The following NELL1 variants were observed in gnomAD, a reference collection of about 807,000 sequenced individuals.
The protein encoded by NELL1 is protein kinase C-binding protein NELL1.
Under a neutral mutation model 107.4 loss-of-function variants are expected in NELL1, and 76 were observed. The ratio of observed to expected loss-of-function variants is 0.71; its 90% CI spans 0.59 to 0.86. The LOEUF is 0.86. Ranked by LOEUF, NELL1 falls within the 40% of genes least tolerant of loss-of-function variation. The pLI, the probability that NELL1 is intolerant of heterozygous loss-of-function variation, is 0.00. For missense variants in NELL1, 1,024 were observed against 1,005.5 expected, an observed-to-expected ratio of 1.02 and a Z score of -0.25; for synonymous variants, 353 against 341.2, an observed-to-expected ratio of 1.03 and a Z score of -0.38.
chr11:21,176,911 A>G (rs1207157058), intron 13 of NELL1, among the ~76,000 whole-genome samples: 2 of 151,708 alleles, frequency 1.3e-5, no homozygotes, highest in African/African-American at 4.9e-5. Context: ...TCCTGATTTA[A>G]GGAGTGATAA....
intron 13 of NELL1, among the ~76,000 whole-genome samples, chr11:21,139,769 C>G (rs908682686): frequency 6.6e-6 from 1 of 152,118 alleles, no homozygotes; most frequent in African/African-American, 2.4e-5. Flanking sequence ...TTGCAAGTAA[C>G]CAAAAATCCA....
At chr11:20,794,088 G>T (rs1179674908) in intron 3 of NELL1, among the ~76,000 whole-genome samples, 1 of 152,186 alleles carries the variant, frequency 6.6e-6, no homozygotes, top group African/African-American at 2.4e-5. Context: ...AGCATCGTAG[G>T]TATTGTAATT....
chr11:20,866,383 C>T (rs1440084640), intron 4 of NELL1, among the ~76,000 whole-genome samples: 1 of 152,166 alleles, frequency 6.6e-6, no homozygotes, highest in Non-Finnish European at 1.5e-5. Context: ...GATGAGAGCT[C>T]CTCTAATTAC....
intron 12 of NELL1, among the ~76,000 whole-genome samples, chr11:20,998,222 G>A (rs1448627341): frequency 6.6e-6 from 1 of 151,836 alleles, no homozygotes; most frequent in Non-Finnish European, 1.5e-5. Flanking sequence ...TTTACTTATA[G>A]CCCTGTTTTC....
At chr11:21,190,878 C>T (rs1400609254) in intron 13 of NELL1, among the ~76,000 whole-genome samples, 1 of 151,756 alleles carries the variant, frequency 6.6e-6, no homozygotes, top group Non-Finnish European at 1.5e-5. Context: ...TTCAGCCTTG[C>T]CAATTCAAGT....
intron 7 of NELL1, among the ~76,000 whole-genome samples, chr11:20,924,188 G>A (rs920477557): frequency 3.3e-5 from 5 of 152,222 alleles, no homozygotes. Context: ...ACCAGTGACA[G>A]AAAATGCAAT....
intron 14 of NELL1, among the ~76,000 whole-genome samples, chr11:21,262,337 T>C (rs934967917): frequency 6.6e-6 from 1 of 151,780 alleles, no homozygotes; most frequent in African/African-American, 2.4e-5. Flanking sequence ...CCCGTTCCTA[T>C]GTACTGTGCT....
intron 16 of NELL1, among the ~76,000 whole-genome samples, chr11:21,550,270 T>G (rs975005687): frequency 5.3e-5 from 8 of 151,962 alleles, no homozygotes; most frequent in African/African-American, 1.9e-4. Context: ...GTTGCAAAAA[T>G]TTTCTCCCAT....
At chr11:20,997,446 T>C (rs187534771) in intron 12 of NELL1, among the ~76,000 whole-genome samples, 1 of 152,296 alleles carries the variant, frequency 6.6e-6, no homozygotes, top group Non-Finnish European at 1.5e-5. Flanking sequence ...ATGTTATCAT[T>C]GGTGGGGATT....
At chr11:21,016,390 C>A (rs986110730) in intron 12 of NELL1, among the ~76,000 whole-genome samples, 1 of 152,064 alleles carries the variant, frequency 6.6e-6, no homozygotes. Context: ...ATGCTTCATA[C>A]AGTCAGTAGC....
At chr11:20,682,318 T>C (rs1052543067) in intron 2 of NELL1, among the ~76,000 whole-genome samples, 3 of 150,334 alleles carry the variant, frequency 2.0e-5, no homozygotes, top group African/African-American at 7.3e-5. Context: ...ATATATTTTA[T>C]TTAACCCAAC....
chr11:21,050,759 A>C (rs906963763), intron 12 of NELL1, among the ~76,000 whole-genome samples: 1 of 152,164 alleles, frequency 6.6e-6, no homozygotes, highest in Admixed American at 6.6e-5. Flanking sequence ...TCTGTATAGT[A>C]AGGAGGTTAG....
chr11:20,902,275 C>CT (rs5790145), intron 5 of NELL1, among the ~76,000 whole-genome samples: 277 of 145,294 alleles, frequency 1.9e-3, no homozygotes, highest in Middle Eastern at 3.5e-3. Context: ...AATAAGAAAC[C>CT]TTTTTTTTTT....
In NELL1 at chr11:21,123,225, A is replaced by G. The variant is rs572213520; in HGVS notation, c.1426+9511A>G. 1.8e-4 allele frequency among the ~76,000 whole-genome samples: 27 copies of G among 152,288 alleles called. 1 individual carries two copies. Among genetic ancestry groups the G allele is most frequent in the African/African-American group, 6.5e-4 (27 of 41,562 alleles). ...TACCTTAGAAAGATAAATAGAATCA[A>G]GATTTATCCCCTGAGGCTTGGGCAG... On this transcript the variant is annotated intron_variant, in intron 13 of 19. Coordinates refer to ENST00000357134, the MANE Select transcript of NELL1 (RefSeq NM_006157.5).
intron 12 of NELL1, among the ~76,000 whole-genome samples, chr11:21,079,132 T>C (rs1854207550): frequency 6.6e-6 from 1 of 151,854 alleles, no homozygotes; most frequent in African/African-American, 2.4e-5. Flanking sequence ...AAAAATAGAA[T>C]TCAAGGGAAA....
chr11:21,426,782 T>C (rs1166782287), intron 15 of NELL1, among the ~76,000 whole-genome samples: 2 of 152,132 alleles, frequency 1.3e-5, no homozygotes, highest in African/African-American at 4.8e-5. Flanking sequence ...GATTTTATTA[T>C]AGGAAATTGA....
chr11:20,729,866 G>A (rs35147996), intron 2 of NELL1, among the ~76,000 whole-genome samples: 16,557 of 152,144 alleles, frequency 0.11, 1,074 homozygotes, highest in Non-Finnish European at 0.15. Context: ...GAGCCAATGG[G>A]GAGGAAATTG....
At chr11:21,290,532 C>G (rs1439219232) in intron 14 of NELL1, among the ~76,000 whole-genome samples, 1 of 152,194 alleles carries the variant, frequency 6.6e-6, no homozygotes, top group Non-Finnish European at 1.5e-5. Flanking sequence ...TCCCTGACCC[C>G]TGTGCCTCCA....
chr11:20,952,622 T>C (rs1851091428), intron 11 of NELL1, among the ~76,000 whole-genome samples: 1 of 152,190 alleles, frequency 6.6e-6, no homozygotes, highest in African/African-American at 2.4e-5. Flanking sequence ...AGATGAGATC[T>C]GATCAAAATG....
Sources: allele counts gnomAD v4.1 joint callset (sites outside exome capture counted in the v4.1 genomes callset), GRCh38; gene constraint gnomAD v4.1.1; transcripts MANE v1.5; gene names NCBI Gene and HGNC (gene_info 2026-07-23, HGNC 2026-07-21).